Variants in SLC2A13 observed in about 807,000 individuals in gnomAD.
SLC2A13 encodes proton myo-inositol cotransporter.
In SLC2A13, 32 loss-of-function variants were observed where a neutral mutation model predicts 64.4. That is an observed-to-expected ratio of 0.50 (90% CI 0.37 to 0.67). The LOEUF (loss-of-function observed/expected upper bound fraction) is 0.67. Among genes scored for constraint, SLC2A13 ranks in the 30% least tolerant of loss-of-function variants. The pLI is 0.00. For missense variants in SLC2A13, 743 were observed against 829.2 expected (o/e 0.90, Z 1.28); for synonymous variants, 338 against 327.1 (o/e 1.03, Z -0.36).
rs1284612818 is a variant in SLC2A13 at position 40,075,556 on chromosome 12, T to A, written c.557-27346A>T. Among the ~76,000 whole-genome samples, 7 of 152,296 alleles carry A rather than the reference T, an allele frequency of 4.6e-5. No homozygotes were observed. The East Asian group carries it at 7.7e-4, about 17-fold the overall frequency. On this transcript the variant is annotated intron_variant, in intron 1 of 9. Transcript: ENST00000280871. ...ACAATTTCATTAGCAGCAATTTGAT[T>A]ATAATATTATCTGGGCATGGCTTTC...
rs1239633545 is a variant in SLC2A13 at position 39,778,008 on chromosome 12, C to T, written c.1446-13150G>A. Among the ~76,000 whole-genome samples, 4 of 152,182 alleles carry T rather than the reference C, an allele frequency of 2.6e-5. No individual in the cohort carries two copies. In the South Asian group the frequency reaches 8.3e-4, roughly 32 times the overall value. ...AAAAGAGCACCCTGTAACACACGCC[C>T]ACTGGGGCTTCAGCTGTAAACATTC... On this transcript the variant is annotated intron_variant, in intron 7 of 9. Transcript: ENST00000280871.
chr12:40,008,095 A>AT (rs754228262), intron 3 of SLC2A13, among the ~76,000 whole-genome samples: 9 of 152,064 alleles, frequency 5.9e-5, no homozygotes, highest in African/African-American at 1.2e-4. Flanking sequence ...ACATTTAAGG[A>AT]TTTTTTTTAA....
intron 3 of SLC2A13, among the ~76,000 whole-genome samples, chr12:40,019,985 CT>C (rs1947685607): frequency 6.6e-6 from 1 of 152,096 alleles, no homozygotes; most frequent in Middle Eastern, 3.2e-3. Context: ...AAATGTGCAT[CT>C]AAAGCAAGGT....
At chr12:40,096,513 C>CA (rs935086659) in intron 1 of SLC2A13, among the ~76,000 whole-genome samples, 3 of 150,762 alleles carry the variant, frequency 2.0e-5, no homozygotes, top group Non-Finnish European at 4.4e-5. Flanking sequence ...AGAAAAAAAA[C>CA]AAAAAAAATT....
chr12:39,868,304 G>T (rs1943958081), intron 5 of SLC2A13, among the ~76,000 whole-genome samples: 1 of 152,120 alleles, frequency 6.6e-6, no homozygotes, highest in Non-Finnish European at 1.5e-5. Context: ...TTCTCCACAG[G>T]AAGTGAAAAG....
At chr12:39,851,484 G>C (rs1592204654) in intron 6 of SLC2A13, among the ~76,000 whole-genome samples, 1 of 152,254 alleles carries the variant, frequency 6.6e-6, no homozygotes, top group East Asian at 1.9e-4. Context: ...GTAAAGGTTA[G>C]TGATTTTATT....
rs542803586 is a variant in SLC2A13 at position 39,830,232 on chromosome 12, A to C, written c.1320-4T>G. The C allele has an allele frequency of 1.9e-6, 3 of 1,611,552 alleles. No individual in the cohort carries two copies. In the South Asian group the frequency reaches 3.3e-5, roughly 18 times the overall value. The stretch of plus-strand genomic sequence containing the variant: ...CAACATACATTCATTACAGTAACTG[A>C]AAAATGAAAAGAGTTACCGTCATGT... On this transcript the variant is annotated splice_region_variant and splice_polypyrimidine_tract_variant and intron_variant, in intron 6 of 9. Coordinates refer to ENST00000280871, the MANE Select transcript of SLC2A13 (RefSeq NM_052885.4).
rs574947778 is a variant in SLC2A13, at chr12:40,054,242, T to C, written c.557-6032A>G. On this transcript the variant is annotated intron_variant, in intron 1 of 9. Transcript: ENST00000280871. ...ATTTGAGATCTTCAAAATGAAGAGT[T>C]AGGTGCTTTAAAAATGAATGTAATG... 9.2e-5 allele frequency among the ~76,000 whole-genome samples: 14 copies of C among 152,276 alleles called. No individual in the cohort carries two copies. The South Asian group carries it at 1.5e-3, about 16-fold the overall frequency.
chr12:39,988,589 A>G (rs1024011562), intron 3 of SLC2A13, among the ~76,000 whole-genome samples: 3 of 147,192 alleles, frequency 2.0e-5, no homozygotes, highest in African/African-American at 7.5e-5. Context: ...AATGAAAAAA[A>G]GAGGAAGAAG....
chr12:39,946,053 T>C (rs1946127284), intron 4 of SLC2A13, among the ~76,000 whole-genome samples: 1 of 152,196 alleles, frequency 6.6e-6, no homozygotes, highest in Non-Finnish European at 1.5e-5. Context: ...GGGTGTTCCC[T>C]TGATGTAATA....
chr12:39,764,184 C>G (rs1447335305), intron 9 of SLC2A13, among the ~76,000 whole-genome samples: 7 of 151,942 alleles, frequency 4.6e-5, no homozygotes, highest in Admixed American at 2.6e-4. Flanking sequence ...AGACTTCCAC[C>G]TGGGGAGATA....
Position 40,070,076 on chromosome 12 carries a change from A to T in SLC2A13, c.557-21866T>A, listed in dbSNP as rs185081605. On this transcript the variant is annotated intron_variant, in intron 1 of 9. Coordinates refer to ENST00000280871, the MANE Select transcript of SLC2A13 (RefSeq NM_052885.4). ...GAAAGGCATAAACGGAATATGATAT[A>T]ACCTAATTTGTCATTTATTATTAGT... is the stretch of plus-strand genomic sequence containing the variant. Among the ~76,000 whole-genome samples the T allele has an allele frequency of 1.1e-4, 17 of 152,246 alleles. No individual in the cohort carries two copies. In the East Asian group the frequency reaches 3.1e-3, roughly 28 times the overall value.
chr12:39,980,521 A>G (rs1337347183), intron 3 of SLC2A13, among the ~76,000 whole-genome samples: 2 of 151,824 alleles, frequency 1.3e-5, no homozygotes, highest in African/African-American at 2.4e-5. Flanking sequence ...AGGGGTTGCA[A>G]TCCTAGTCTC....
At chr12:40,069,594 T>C (rs751927851) in intron 1 of SLC2A13, among the ~76,000 whole-genome samples, 8 of 152,102 alleles carry the variant, frequency 5.3e-5, no homozygotes, top group Non-Finnish European at 8.8e-5. Flanking sequence ...TGCTATCTTG[T>C]TACCATGGAA....
chr12:39,912,719 G>A (rs188453712), intron 4 of SLC2A13, among the ~76,000 whole-genome samples: 1 of 152,138 alleles, frequency 6.6e-6, no homozygotes, highest in East Asian at 1.9e-4. Flanking sequence ...TGGCAGCTCT[G>A]GAGCCCTGCC....
chr12:40,065,138 G>A (rs1937673055), intron 1 of SLC2A13, among the ~76,000 whole-genome samples: 1 of 152,048 alleles, frequency 6.6e-6, no homozygotes, highest in Non-Finnish European at 1.5e-5. Flanking sequence ...GCAAAATGAA[G>A]GTAACTCCAG....
intron 3 of SLC2A13, among the ~76,000 whole-genome samples, chr12:39,990,733 A>C (rs568497840): frequency 2.4e-4 from 37 of 152,330 alleles, no homozygotes; most frequent in African/African-American, 8.7e-4. Flanking sequence ...GGGACACTTC[A>C]ATATATTAAT....
chr12:40,087,338 C>A (rs1290278459), intron 1 of SLC2A13, among the ~76,000 whole-genome samples: 1 of 152,314 alleles, frequency 6.6e-6, no homozygotes, highest in East Asian at 1.9e-4. Context: ...TCCCTCTCTC[C>A]TTTCTCTTCC....
intron 1 of SLC2A13, among the ~76,000 whole-genome samples, chr12:40,054,729 A>G (rs2136244411): frequency 6.6e-6 from 1 of 152,336 alleles, no homozygotes; most frequent in East Asian, 1.9e-4. Context: ...GTTGGCTTTC[A>G]AAAACGGCTG....
Sources: gnomAD v4.1 joint callset for allele counts (sites outside exome capture counted in the v4.1 genomes callset) on GRCh38, gnomAD v4.1.1 for gene constraint, MANE v1.5 for transcripts, NCBI Gene and HGNC (gene_info 2026-07-23, HGNC 2026-07-21) for gene names.